STK4: variants seen among roughly 807,000 people sequenced by gnomAD.
The protein encoded by STK4 is serine/threonine-protein kinase 4.
STK4 carries 30 observed loss-of-function variants against 64.9 expected under a neutral mutation model. That is an observed-to-expected ratio of 0.46 (90% confidence interval 0.35 to 0.63). STK4 has a LOEUF of 0.63. Among genes scored for constraint, STK4 ranks in the 20% least tolerant of loss-of-function variants. The pLI is 0.01. For synonymous variants in STK4, 177 were observed against 199.0 expected, an observed-to-expected ratio of 0.89 and a Z score of 0.93; for missense variants, 466 against 598.5, an observed-to-expected ratio of 0.78 and a Z score of 2.31.
intron 2 of STK4, chr20:44,975,068 A>G (rs939673485): frequency 1.3e-5 from 2 of 152,214 alleles, no homozygotes; most frequent in African/African-American, 4.8e-5. Flanking sequence ...CATCTTGCCC[A>G]TGGTTTCATA....
chr20:44,985,456 G>C (rs769750530), intron 4 of STK4, among the ~76,000 whole-genome samples: 24 of 152,116 alleles, frequency 1.6e-4, no homozygotes, highest in Non-Finnish European at 3.2e-4. Context: ...TGATTCTCCT[G>C]CTTCAGCCTC....
intron 10 of STK4, among the ~76,000 whole-genome samples, chr20:45,047,039 G>A (rs1032024284): frequency 2.6e-5 from 4 of 152,120 alleles, no homozygotes. Flanking sequence ...CTTCATATTG[G>A]TTGCTCATTA....
intron 7 of STK4, among the ~76,000 whole-genome samples, chr20:44,999,813 T>G (rs894637627): frequency 6.6e-6 from 1 of 152,190 alleles, no homozygotes; most frequent in Admixed American, 6.5e-5. Context: ...AAAGAACAAG[T>G]CAGATGAGTA....
chr20:45,024,046 G>A (rs1172182947), intron 9 of STK4, among the ~76,000 whole-genome samples: 2 of 151,274 alleles, frequency 1.3e-5, no homozygotes, highest in African/African-American at 2.4e-5. Context: ...GACTACAGGC[G>A]CCCGCCACCA....
At chr20:45,047,243 C>T (rs2068710655) in intron 10 of STK4, among the ~76,000 whole-genome samples, 1 of 152,148 alleles carries the variant, frequency 6.6e-6, no homozygotes, top group African/African-American at 2.4e-5. Flanking sequence ...CTTATTCCCA[C>T]TTATTTGACA....
intron 10 of STK4, among the ~76,000 whole-genome samples, chr20:45,055,789 G>A (rs1978429271): frequency 6.6e-6 from 1 of 151,180 alleles, no homozygotes; most frequent in Middle Eastern, 3.4e-3. Context: ...CTGGAGTGCA[G>A]TGGCATGATC....
At chr20:45,041,102 A>G (rs2068605928) in intron 10 of STK4, among the ~76,000 whole-genome samples, 1 of 152,200 alleles carries the variant, frequency 6.6e-6, no homozygotes, top group Non-Finnish European at 1.5e-5. Flanking sequence ...TTATGCCACA[A>G]ACTTAATTGG....
chr20:44,987,564 A>T (rs957356989), intron 5 of STK4, among the ~76,000 whole-genome samples: 1 of 152,294 alleles, frequency 6.6e-6, no homozygotes, highest in South Asian at 2.1e-4. Flanking sequence ...CACTACATCA[A>T]CATATTTATA....
chr20:45,025,172 G>T, intron 10 of STK4, 42 bp downstream of exon 10: 1 of 1,571,758 alleles, frequency 6.4e-7, no homozygotes, highest in African/African-American at 1.4e-5. Flanking sequence ...TTCAGGGGAA[G>T]TTATTTGAAA....
At chr20:45,013,862 G>A (rs2068095254) in intron 9 of STK4, among the ~76,000 whole-genome samples, 1 of 151,720 alleles carries the variant, frequency 6.6e-6, no homozygotes, top group Non-Finnish European at 1.5e-5. Context: ...TGTGGTTGTG[G>A]GTTTTGTTAA....
chr20:45,036,784 T>C (rs1291204173), intron 10 of STK4, among the ~76,000 whole-genome samples: 1 of 152,168 alleles, frequency 6.6e-6, no homozygotes, highest in Non-Finnish European at 1.5e-5. Flanking sequence ...AACTTCATTA[T>C]AGGTATTTAC....
chr20:45,054,972 C>A (rs1422041585), intron 10 of STK4, among the ~76,000 whole-genome samples: 1 of 152,110 alleles, frequency 6.6e-6, no homozygotes, highest in African/African-American at 2.4e-5. Flanking sequence ...CATAGGACTA[C>A]CCTTGGTATT....
rs149741663 is a variant in STK4, at chr20:44,997,090, G to T, written c.694-79G>T. On this transcript the variant is annotated intron_variant, in intron 6 of 10. Transcript: ENST00000372806. ...AAAAATCATTTACCAAGCTTCAAAT[G>T]TAATTCCACATGTATTTTTTATTGG... 4,751 of 1,587,640 alleles carry T rather than the reference G, an allele frequency of 3.0e-3. 8 individuals carry two copies. The highest frequency in any genetic ancestry group is 3.6e-3 in the Non-Finnish European group (4,227 of 1,162,582).
intron 9 of STK4, among the ~76,000 whole-genome samples, chr20:45,009,600 T>C (rs1046905785): frequency 3.0e-4 from 46 of 152,322 alleles, no homozygotes; most frequent in African/African-American, 1.1e-3. Context: ...AGGAATAGTA[T>C]GGAATCTGTA....
At position 44,970,891 on chromosome 20, in the gene STK4, G is replaced by T. The variant is rs921377401; in HGVS notation, c.36-1187G>T. Among the ~76,000 whole-genome samples, 4 of 144,974 alleles carry T rather than the reference G, an allele frequency of 2.8e-5. No homozygotes were observed. In the South Asian group the frequency reaches 6.4e-4, roughly 23 times the overall value. ...GTTTTATTTAGGAAGGTACACATTT[G>T]TGTGTGTGTGTGTGTGTGTGTATGT... On this transcript the variant is annotated intron_variant, in intron 1 of 10. Transcript: ENST00000372806.
intron 10 of STK4, among the ~76,000 whole-genome samples, chr20:45,065,438 T>G (rs368797367): frequency 9.2e-5 from 14 of 152,098 alleles, no homozygotes; most frequent in East Asian, 1.9e-4. Context: ...TTTTGGTGGT[T>G]GTTGTTGTTG....
chr20:45,058,610 T>G (rs889416497), intron 10 of STK4, among the ~76,000 whole-genome samples: 5 of 152,304 alleles, frequency 3.3e-5, no homozygotes, highest in Middle Eastern at 3.4e-3. Context: ...TTTTTTTATT[T>G]GGCAGGAAGA....
At chr20:44,983,007 A>G (rs2067469165) in intron 4 of STK4, among the ~76,000 whole-genome samples, 1 of 152,162 alleles carries the variant, frequency 6.6e-6, no homozygotes, top group African/African-American at 2.4e-5. Context: ...GTTTACAGGA[A>G]GACTCAAATG....
At chr20:44,980,047 A>G (rs2145648442) in intron 3 of STK4, among the ~76,000 whole-genome samples, 1 of 152,328 alleles carries the variant, frequency 6.6e-6, no homozygotes, top group South Asian at 2.1e-4. Flanking sequence ...ACAGTGAAAT[A>G]CAGAGCAGAG....
Sources: gnomAD v4.1 joint callset for allele counts (sites outside exome capture counted in the v4.1 genomes callset) on GRCh38, gnomAD v4.1.1 for gene constraint, MANE v1.5 for transcripts, NCBI Gene and HGNC (gene_info 2026-07-23, HGNC 2026-07-21) for gene names.